APOOL: variants seen among roughly 807,000 people sequenced by gnomAD.
APOOL encodes apolipoprotein O like.
In APOOL, 12 loss-of-function variants were observed where a neutral mutation model predicts 23.1. That is an observed-to-expected ratio of 0.52 (90% CI 0.33 to 0.84). The LOEUF is 0.84. APOOL is among the 40% of genes least tolerant of loss of function. The probability of loss-of-function intolerance (pLI) is 0.02; values close to 1 mark genes in which losing one functional copy is unlikely to be tolerated. For synonymous variants in APOOL, 77 were observed against 69.9 expected, an observed-to-expected ratio of 1.10 and a Z score of -0.51; for missense variants, 212 against 199.6, an observed-to-expected ratio of 1.06 and a Z score of -0.37.
intron 5 of APOOL, among the ~76,000 whole-genome samples, chrX:85,060,960 G>A (rs1456416815): frequency 1.8e-5 from 2 of 111,163 alleles, no homozygotes; most frequent in East Asian, 2.8e-4. Flanking sequence ...TCTTGTGCCA[G>A]TTTTCAAAGG....
In APOOL at chrX:85,046,489, C is replaced by G. The variant is rs1480173576; in HGVS notation, c.59C>G (p.Ser20Cys). The G allele has an allele frequency of 2.5e-6, 3 of 1,209,733 alleles. No homozygotes were observed. Among genetic ancestry groups the G allele is most frequent in the South Asian group, 3.5e-5 (2 of 56,656 alleles). The change falls in exon 2 of 9, where the codon TCT becomes TGT. Residue 20 changes from serine to cysteine, a missense_variant. Physicochemically the swap from Ser to Cys is moderately radical, Grantham distance 112. Transcript: ENST00000373173. ...TTMPAGLIYA[S>C]VSVHAAKQEE... ...ATGCCTGCAGGTCTGATATATGCAT[C>G]TGTAAGTGTACATGCAGCCAAACAA... is the stretch of plus-strand genomic sequence containing the variant.
chrX:85,005,312 A>G (rs779917606), intron 1 of APOOL, among the ~76,000 whole-genome samples: 1 of 85,722 alleles, frequency 1.2e-5, no homozygotes, highest in African/African-American at 4.4e-5. Context: ...GCCCGGCTAA[A>G]TTTTTTTATT....
chrX:85,062,268 G>C (rs1923258986), intron 5 of APOOL, among the ~76,000 whole-genome samples: 1 of 111,100 alleles, frequency 9.0e-6, no homozygotes, highest in African/African-American at 3.3e-5. Flanking sequence ...CTGGATATTA[G>C]ACCTTTGTCA....
chrX:85,051,413 C>A lies in APOOL; in HGVS notation c.145C>A (p.Leu49Ile), dbSNP rs1922771114. 8.3e-7 allele frequency: 1 copy of A among 1,208,301 alleles called. No individual in the cohort carries two copies. The change falls in exon 3 of 9, where the codon CTC becomes ATC. Residue 49 changes from leucine to isoleucine, a missense_variant. By Grantham distance (5) the Leu-to-Ile change is conservative. Transcript: ENST00000373173. ...GCTCCCCATATATACTGCACCACCGCTCCAGTCTAAATATGTTGAAGAGCA... is the reference window on the plus strand; with the variant it reads ...GCTCCCCATATATACTGCACCACCGATCCAGTCTAAATATGTTGAAGAGCA... ...EQLPIYTAPPLQSKYVEEQPG... is the reference protein window; with the variant it reads ...EQLPIYTAPPIQSKYVEEQPG...
At chrX:85,054,074 AT>A (rs1023043514) in intron 3 of APOOL, among the ~76,000 whole-genome samples, 2 of 111,486 alleles carry the variant, frequency 1.8e-5, no homozygotes, top group African/African-American at 3.2e-5. Flanking sequence ...GATGATAAAT[AT>A]TTTTTTCAGT....
At chrX:85,046,646 TA>T (rs2147644460) in intron 2 of APOOL, 96 bp downstream of exon 2, 2 of 698,545 alleles carry the variant, frequency 2.9e-6, no homozygotes, top group Non-Finnish European at 4.3e-6. Context: ...AAAAATGTCT[TA>T]GAAGTCTTTG....
At chrX:85,057,588 T>C (rs28414313) in intron 5 of APOOL, among the ~76,000 whole-genome samples, 2 of 106,168 alleles carry the variant, frequency 1.9e-5, no homozygotes, top group African/African-American at 3.4e-5. Context: ...GGATGATATA[T>C]ATATATGTCA....
intron 5 of APOOL, among the ~76,000 whole-genome samples, chrX:85,062,997 A>G (rs1010829419): frequency 2.0e-4 from 23 of 112,203 alleles, no homozygotes; most frequent in Non-Finnish European, 4.3e-4. Context: ...ATCCATGAGC[A>G]TGGAAAGTTT....
intron 8 of APOOL, among the ~76,000 whole-genome samples, chrX:85,076,995 T>TTATATATA (rs752255967): frequency 3.6e-5 from 3 of 82,496 alleles, no homozygotes; most frequent in African/African-American, 5.2e-5. Context: ...TTTGCTAAAC[T>TTATATATA]TATATATATA....
At chrX:85,087,097 T>C (rs1036056317) in intron 8 of APOOL, among the ~76,000 whole-genome samples, 4 of 111,408 alleles carry the variant, frequency 3.6e-5, no homozygotes, top group African/African-American at 6.5e-5. Flanking sequence ...ACCATGGCCC[T>C]GTGTGACCTA....
At chrX:85,015,998 T>C (rs934654405) in intron 1 of APOOL, among the ~76,000 whole-genome samples, 14 of 111,113 alleles carry the variant, frequency 1.3e-4, no homozygotes, top group African/African-American at 4.2e-4. Flanking sequence ...GTGGTAGTTA[T>C]ATTTGTGGTG....
intron 6 of APOOL, among the ~76,000 whole-genome samples, chrX:85,073,307 A>G (rs1156234298): frequency 9.0e-6 from 1 of 111,654 alleles, no homozygotes; most frequent in African/African-American, 3.2e-5. Context: ...TTTAACTAAA[A>G]TGAACAAAAG....
intron 5 of APOOL, among the ~76,000 whole-genome samples, chrX:85,064,336 C>CT (rs1923360465): frequency 2.0e-5 from 2 of 100,511 alleles, no homozygotes; most frequent in African/African-American, 3.9e-5. Flanking sequence ...AAAACAGCTC[C>CT]TGGATTTTTT....
At chrX:85,006,925 A>G (rs971063100) in intron 1 of APOOL, among the ~76,000 whole-genome samples, 1 of 111,825 alleles carries the variant, frequency 8.9e-6, no homozygotes, top group African/African-American at 3.3e-5. Flanking sequence ...GAAAGTGGTA[A>G]AATCAAGAGA....
At chrX:85,004,497 GTGACTCA>G (rs1259133911) in intron 1 of APOOL, among the ~76,000 whole-genome samples, 1 of 112,105 alleles carries the variant, frequency 8.9e-6, no homozygotes, top group Non-Finnish European at 1.9e-5. Flanking sequence ...TGTACAGTGA[GTGACTCA>G]GCTGGCAGCT....
At position 85,046,567 on chromosome X, in the gene APOOL, G is replaced by A. The variant is rs187409027; in HGVS notation, c.120+17G>A. 3.5e-6 allele frequency: 4 copies of A among 1,140,482 alleles called. No homozygotes were observed. In the East Asian group the frequency reaches 1.2e-4, roughly 34 times the overall value. 94.0% of individuals were successfully genotyped at this position (1,140,482 alleles called of 1,213,427 possible). A position where few individuals can be genotyped will look rare whatever the true frequency, so the allele number is the denominator to read the frequency against. ...CCAGAGCAGGTAATTTGCCTACAAA[G>A]GTTTATGAACTTTGTATAATATCAA... On this transcript the variant is annotated intron_variant, in intron 2 of 8. Transcript: ENST00000373173.
In APOOL at chrX:85,053,048, C is replaced by T. The variant is rs980579813; in HGVS notation, c.241-1296C>T. 2.7e-5 allele frequency among the ~76,000 whole-genome samples: 3 copies of T among 111,398 alleles called. No homozygotes were observed. In the Admixed American group the frequency reaches 2.9e-4, roughly 11 times the overall value. ...CCTAATTTTCCCCTAAAAATGTAAT[C>T]CATTCTTTAAAAATTATGTCTGACT... On this transcript the variant is annotated intron_variant, in intron 3 of 8. Transcript: ENST00000373173.
intron 6 of APOOL, among the ~76,000 whole-genome samples, chrX:85,067,751 G>A (rs1923515529): frequency 9.0e-6 from 1 of 110,822 alleles, no homozygotes; most frequent in South Asian, 3.8e-4. Flanking sequence ...TTTCTTGTGA[G>A]CTTAAGTACA....
intron 6 of APOOL, 90 bp from the exon 7 acceptor site, chrX:85,073,908 G>T: frequency 1.7e-6 from 1 of 572,487 alleles, no homozygotes; most frequent in Non-Finnish European, 2.7e-6. Context: ...TGACTTGAGT[G>T]TTCATATAAA....
Sources: gnomAD v4.1 joint callset for allele counts (sites outside exome capture counted in the v4.1 genomes callset) on GRCh38, gnomAD v4.1.1 for gene constraint, MANE v1.5 for transcripts, NCBI Gene and HGNC (gene_info 2026-07-23, HGNC 2026-07-21) for gene names.